The following OR5M9 variants were observed in gnomAD, a reference collection of about 807,000 sequenced individuals.
OR5M9 encodes the protein olfactory receptor 5M9.
For missense variants in OR5M9, 464 were observed against 383.6 expected, an observed-to-expected ratio of 1.21 and a Z score of -1.75; for synonymous variants, 174 against 145.0, an observed-to-expected ratio of 1.20 and a Z score of -1.44.
At position 56,462,549 on chromosome 11, in the gene OR5M9, G is replaced by T; in HGVS notation, c.853C>A (p.Pro285Thr). The change falls in exon 1 of 1, where the codon CCC becomes ACC. Residue 285 changes from proline (P) to threonine (T), a missense_variant. Coordinates refer to ENST00000279791, the MANE Select transcript of OR5M9 (RefSeq NM_001004743.1). ...TTATTTCTCAGACTGTAGATCATGG[G>T]ATTCAACATAGGAATTACTGTGGTG... ...FYTTVIPMLN[P>T]MIYSLRNKDV... The T allele has an allele frequency of 6.2e-7, 1 of 1,613,560 alleles. No homozygotes were observed. Among genetic ancestry groups the T allele is most frequent in the Non-Finnish European group, 8.5e-7 (1 of 1,179,580 alleles).
At position 56,463,369 on chromosome 11, in the gene OR5M9, A is replaced by G; in HGVS notation, c.33T>C (p.Thr11=). 1 of 1,610,530 alleles carries G rather than the reference A, an allele frequency of 6.2e-7. No individual in the cohort carries two copies. Among genetic ancestry groups the G allele is most frequent in the Non-Finnish European group, 8.5e-7 (1 of 1,178,804 alleles). ...CCTGACGACAGGTCAGCCCCAGGAG[A>G]GTAAATTCTGTCACATCCGTGAAAT... MPNFTDVTEF[T]LLGLTCRQEL... Residue 11 remains threonine (T), a synonymous_variant, in exon 1 of 1, where the codon ACT becomes ACC. Transcript: ENST00000279791.
In OR5M9 at chr11:56,462,944, A is replaced by T; in HGVS notation, c.458T>A (p.Val153Asp). Residue 153 changes from valine (V) to aspartate (D), a missense_variant, in exon 1 of 1, where the codon GTC (valine) becomes GAC (aspartate). Val to Asp is a radical substitution (Grantham distance 152). Transcript: ENST00000279791. Reference sequence around the variant, plus strand: ...AGTCCATAGTGTGCATATTAGGCTGACAGAGAATCCATAGACATAAGGCAC... The same window carrying T: ...AGTCCATAGTGTGCATATTAGGCTGTCAGAGAATCCATAGACATAAGGCAC... The part of the protein sequence containing the change: ...ISVPYVYGFS[V>D]SLICTLWTYG... The T allele has an allele frequency of 6.2e-7, 1 of 1,614,040 alleles. No homozygotes were observed. The highest frequency in any genetic ancestry group is 8.5e-7 in the Non-Finnish European group (1 of 1,179,944).
chr11:56,463,273 C>G lies in OR5M9; in HGVS notation c.129G>C (p.Met43Ile), dbSNP rs746624867. 10 of 1,613,790 alleles carry G rather than the reference C, an allele frequency of 6.2e-6. No individual in the cohort carries two copies. Among genetic ancestry groups the G allele is most frequent in the Non-Finnish European group, 8.5e-6 (10 of 1,179,826 alleles). The change falls in exon 1 of 1, where the codon ATG becomes ATC. Residue 43 changes from methionine (M) to isoleucine (I), a missense_variant. Coordinates refer to ENST00000279791, the MANE Select transcript of OR5M9 (RefSeq NM_001004743.1). The stretch of plus-strand genomic sequence containing the variant: ...GAGGACTGATGCTAATCAAAATGAT[C>G]ATACCAATATTTCCCAACAGAGTGA... The part of the protein sequence containing the change: ...YMITLLGNIG[M>I]IILISISPQL...
In OR5M9 at chr11:56,462,780, A is replaced by C; in HGVS notation, c.622T>G (p.Ser208Ala). 1 of 1,613,416 alleles carries C rather than the reference A, an allele frequency of 6.2e-7. No homozygotes were observed. Among genetic ancestry groups the C allele is most frequent in the Non-Finnish European group, 8.5e-7 (1 of 1,179,822 alleles). Reference sequence around the variant, plus strand: ...TAGGAGATGAGGACCACCGAGAGGGAATATGTGAAGTTAATTCCAGCAATA... The same window carrying C: ...TAGGAGATGAGGACCACCGAGAGGGCATATGTGAAGTTAATTCCAGCAATA... The part of the protein sequence containing the change: ...IVIAGINFTY[S>A]LSVVLISYTL... Residue 208 changes from serine to alanine, a missense_variant, in exon 1 of 1, where the codon TCC (serine) becomes GCC (alanine). Ser to Ala is a moderately conservative substitution (Grantham distance 99). Transcript: ENST00000279791.
Position 56,463,354 on chromosome 11 carries a change from G to A in OR5M9, c.48C>T (p.Thr16=), listed in dbSNP as rs771250659. The change falls in exon 1 of 1, where the codon ACC becomes ACT. Residue 16 remains threonine (T), a synonymous_variant. Coordinates refer to ENST00000279791, the MANE Select transcript of OR5M9 (RefSeq NM_001004743.1). ...DVTEFTLLGL[T]CRQELQVLFF... Reference sequence around the variant, plus strand: ...AGAGAACCTGTAGCTCCTGACGACAGGTCAGCCCCAGGAGAGTAAATTCTG... The same window carrying A: ...AGAGAACCTGTAGCTCCTGACGACAAGTCAGCCCCAGGAGAGTAAATTCTG... 5 of 1,613,292 alleles carry A rather than the reference G, an allele frequency of 3.1e-6. No individual in the cohort carries two copies. In the Admixed American group the frequency reaches 8.4e-5, roughly 27 times the overall value.
rs142565819 is a variant in OR5M9, at chr11:56,463,126, A to G, written c.276T>C (p.Tyr92=). 2.0e-4 allele frequency: 322 copies of G among 1,614,064 alleles called. 1 individual carries two copies. The highest frequency in any genetic ancestry group is 2.5e-4 in the Non-Finnish European group (292 of 1,179,978). The change falls in exon 1 of 1, where the codon TAT becomes TAC. Residue 92 remains tyrosine (Y), a synonymous_variant. Transcript: ENST00000279791. ...AGTAGCACTGCACCAAGCATCCCACATAGGAAATGGTTTTTGTCTCTGATA... is the reference window on the plus strand; with the variant it reads ...AGTAGCACTGCACCAAGCATCCCACGTAGGAAATGGTTTTTGTCTCTGATA... ...NLLSETKTIS[Y]VGCLVQCYFF... is the part of the protein sequence containing the mutation.
chr11:56,462,906 A>T lies in OR5M9; in HGVS notation c.496T>A (p.Phe166Ile), dbSNP rs1184211054. ...ICTLWTYGLY[F>I]CGNFEINHFY... is the part of the protein sequence containing the mutation. Reference sequence around the variant, plus strand: ...TGATTGATTTCAAAGTTTCCACAGAAGTATAAGCCATAAGTCCATAGTGTG... The same window carrying T: ...TGATTGATTTCAAAGTTTCCACAGATGTATAAGCCATAAGTCCATAGTGTG... The change falls in exon 1 of 1, where the codon TTC becomes ATC. Residue 166 changes from phenylalanine (F) to isoleucine (I), a missense_variant. Phe to Ile is a conservative substitution (Grantham distance 21, BLOSUM62 0). Coordinates refer to ENST00000279791, the MANE Select transcript of OR5M9 (RefSeq NM_001004743.1). 1 of 1,613,988 alleles carries T rather than the reference A, an allele frequency of 6.2e-7. No individual in the cohort carries two copies. The highest frequency in any genetic ancestry group is 8.5e-7 in the Non-Finnish European group (1 of 1,179,976).
Position 56,463,051 on chromosome 11 carries a change from G to A in OR5M9, c.351C>T (p.Ala117=), listed in dbSNP as rs1321608789. Residue 117 remains alanine, a synonymous_variant, in exon 1 of 1, where the codon GCC becomes GCT. Transcript: ENST00000279791. ...TGCAGCCGGCCATGTACCTGTCAAA[G>A]GCCATCACAGCCAGGATATAGACCT... ...HVEVYILAVM[A]FDRYMAGCNP... The A allele has an allele frequency of 6.2e-7, 1 of 1,614,036 alleles. No individual in the cohort carries two copies. The highest frequency in any genetic ancestry group is 8.5e-7 in the Non-Finnish European group (1 of 1,179,956).
Position 56,463,175 on chromosome 11 carries a change from G to C in OR5M9, c.227C>G (p.Thr76Ser), listed in dbSNP as rs1450867397. 2 of 1,613,766 alleles carry C rather than the reference G, an allele frequency of 1.2e-6. No individual in the cohort carries two copies. The highest frequency in any genetic ancestry group is 1.3e-5 in the African/African-American group (1 of 74,890). ...TAATAAGTTTTCCAGCATTTTGGGG[G>C]TAACGTTGGAGGAGAAGCACACGTC... The part of the protein sequence containing the change: ...FADVCFSSNV[T>S]PKMLENLLSE... The change falls in exon 1 of 1, where the codon ACC becomes AGC. Residue 76 changes from threonine (T) to serine (S), a missense_variant. Thr to Ser is a moderately conservative substitution (Grantham distance 58, BLOSUM62 1). Transcript: ENST00000279791.
rs1945237 is a variant in OR5M9, at chr11:56,462,593, T to A, written c.809A>T (p.Lys270Ile). The A allele has an allele frequency of 6.2e-7, 1 of 1,613,846 alleles. No homozygotes were observed. Among genetic ancestry groups the A allele is most frequent in the Non-Finnish European group, 8.5e-7 (1 of 1,179,816 alleles). ...RPTEESVEQG[K>I]MVAVFYTTVI... ...TGTGGTGTAAAACACAGCCACCATT[T>A]TGCCCTGCTCTACGGATTCCTCAGT... The change falls in exon 1 of 1, where the codon AAA (lysine) becomes ATA (isoleucine). Residue 270 changes from lysine to isoleucine, a missense_variant. Lys to Ile is a moderately radical substitution (Grantham distance 102). Transcript: ENST00000279791.
rs148396137 is a variant in OR5M9 at position 56,463,125 on chromosome 11, C to A, written c.277G>T (p.Val93Leu). The A allele has an allele frequency of 2.9e-5, 47 of 1,614,058 alleles. No individual in the cohort carries two copies. In the African/African-American group the frequency reaches 5.6e-4, roughly 19 times the overall value. Residue 93 changes from valine (V) to leucine (L), a missense_variant, in exon 1 of 1, where the codon GTG (valine) becomes TTG (leucine). Val to Leu is a conservative substitution (Grantham distance 32). Transcript: ENST00000279791. ...LLSETKTISY[V>L]GCLVQCYFFI... Reference sequence around the variant, plus strand: ...AAGTAGCACTGCACCAAGCATCCCACATAGGAAATGGTTTTTGTCTCTGAT... The same window carrying A: ...AAGTAGCACTGCACCAAGCATCCCAAATAGGAAATGGTTTTTGTCTCTGAT...
At position 56,462,637 on chromosome 11, in the gene OR5M9, G is replaced by C; in HGVS notation, c.765C>G (p.Phe255Leu). Residue 255 changes from phenylalanine to leucine, a missense_variant, in exon 1 of 1, where the codon TTC (phenylalanine) becomes TTG (leucine). Physicochemically the swap from Phe to Leu is conservative, Grantham distance 22. Coordinates refer to ENST00000279791, the MANE Select transcript of OR5M9 (RefSeq NM_001004743.1). ...CCTCAGTGGGTCTCCTGAGATACAT[G>C]AAGATGGGGGTCCCATAAAACATAG... is the stretch of plus-strand genomic sequence containing the variant. ...AVSMFYGTPIFMYLRRPTEES... is the reference protein window; with the variant it reads ...AVSMFYGTPILMYLRRPTEES... 1 of 1,613,938 alleles carries C rather than the reference G, an allele frequency of 6.2e-7. No individual in the cohort carries two copies. Among genetic ancestry groups the C allele is most frequent in the Non-Finnish European group, 8.5e-7 (1 of 1,179,950 alleles).
In OR5M9 at chr11:56,463,270, G is replaced by C. The variant is rs1196720145; in HGVS notation, c.132C>G (p.Ile44Met). The change falls in exon 1 of 1, where the codon ATC becomes ATG. Residue 44 changes from isoleucine to methionine, a missense_variant. Coordinates refer to ENST00000279791, the MANE Select transcript of OR5M9 (RefSeq NM_001004743.1). Reference protein sequence around the residue: ...MITLLGNIGMIILISISPQLQ... With the variant: ...MITLLGNIGMMILISISPQLQ... ...GCTGAGGACTGATGCTAATCAAAAT[G>C]ATCATACCAATATTTCCCAACAGAG... 2 of 1,613,786 alleles carry C rather than the reference G, an allele frequency of 1.2e-6. No individual in the cohort carries two copies. Among genetic ancestry groups the C allele is most frequent in the South Asian group, 1.1e-5 (1 of 91,074 alleles).
At position 56,463,323 on chromosome 11, in the gene OR5M9, C is replaced by T. The variant is rs146895715; in HGVS notation, c.79G>A (p.Val27Met). 7 of 1,613,164 alleles carry T rather than the reference C, an allele frequency of 4.3e-6. No individual in the cohort carries two copies. The African/African-American group carries it at 8.0e-5, about 18-fold the overall frequency. Residue 27 changes from valine (V) to methionine (M), a missense_variant, in exon 1 of 1, where the codon GTG (valine) becomes ATG (methionine). Coordinates refer to ENST00000279791, the MANE Select transcript of OR5M9 (RefSeq NM_001004743.1). Reference sequence around the variant, plus strand: ...ATCATGTAAACCGCTAGGAACACCACAAAAAAGAGAACCTGTAGCTCCTGA... The same window carrying T: ...ATCATGTAAACCGCTAGGAACACCATAAAAAAGAGAACCTGTAGCTCCTGA... Reference protein sequence around the residue: ...CRQELQVLFFVVFLAVYMITL... With the variant: ...CRQELQVLFFMVFLAVYMITL...
In OR5M9 at chr11:56,462,502, G is replaced by A; in HGVS notation, c.900C>T (p.Asn300=). 1 of 1,612,988 alleles carries A rather than the reference G, an allele frequency of 6.2e-7. No homozygotes were observed. Among genetic ancestry groups the A allele is most frequent in the Non-Finnish European group, 8.5e-7 (1 of 1,179,092 alleles). Residue 300 remains asparagine, a synonymous_variant, in exon 1 of 1, where the codon AAC becomes AAT. Coordinates refer to ENST00000279791, the MANE Select transcript of OR5M9 (RefSeq NM_001004743.1). ...LRNKDVKEAV[N]KAITKTYVRQ ...TCACATATGTCTTGGTGATTGCTTT[G>A]TTGACTGCTTCTTTTACATCCTTAT...
chr11:56,463,144 C>T lies in OR5M9; in HGVS notation c.258G>A (p.Glu86=). The change falls in exon 1 of 1, where the codon GAG becomes GAA. Residue 86 remains glutamate (E), a synonymous_variant. Coordinates refer to ENST00000279791, the MANE Select transcript of OR5M9 (RefSeq NM_001004743.1). The part of the protein sequence containing the change: ...TPKMLENLLS[E]TKTISYVGCL... ...ATCCCACATAGGAAATGGTTTTTGT[C>T]TCTGATAATAAGTTTTCCAGCATTT... 1 of 1,613,928 alleles carries T rather than the reference C, an allele frequency of 6.2e-7. No homozygotes were observed. Among genetic ancestry groups the T allele is most frequent in the Non-Finnish European group, 8.5e-7 (1 of 1,179,946 alleles).
rs367845258 is a variant in OR5M9, at chr11:56,463,179, C to T, written c.223G>A (p.Val75Ile). ...AAGTTTTCCAGCATTTTGGGGGTAA[C>T]GTTGGAGGAGAAGCACACGTCCGCA... ...SFADVCFSSN[V>I]TPKMLENLLS... Residue 75 changes from valine (V) to isoleucine (I), a missense_variant, in exon 1 of 1, where the codon GTT (valine) becomes ATT (isoleucine). Val to Ile is a conservative substitution (Grantham distance 29). Transcript: ENST00000279791. The T allele has an allele frequency of 3.1e-6, 5 of 1,613,842 alleles. No individual in the cohort carries two copies. Among genetic ancestry groups the T allele is most frequent in the Admixed American group, 1.7e-5 (1 of 59,990 alleles).
rs771680645 is a variant in OR5M9 at position 56,463,197 on chromosome 11, C to T, written c.205G>A (p.Val69Met). 4.0e-5 allele frequency: 64 copies of T among 1,613,736 alleles called. No homozygotes were observed. Among genetic ancestry groups the T allele is most frequent in the Non-Finnish European group, 4.8e-5 (57 of 1,179,890 alleles). Residue 69 changes from valine (V) to methionine (M), a missense_variant, in exon 1 of 1, where the codon GTG (valine) becomes ATG (methionine). Val to Met is a conservative substitution (Grantham distance 21). Coordinates refer to ENST00000279791, the MANE Select transcript of OR5M9 (RefSeq NM_001004743.1). Reference sequence around the variant, plus strand: ...GGGGTAACGTTGGAGGAGAAGCACACGTCCGCAAAAGACAGATGACTCAGG... The same window carrying T: ...GGGGTAACGTTGGAGGAGAAGCACATGTCCGCAAAAGACAGATGACTCAGG... Reference protein sequence around the residue: ...FFLSHLSFADVCFSSNVTPKM... With the variant: ...FFLSHLSFADMCFSSNVTPKM...
rs1306375944 is a variant in OR5M9 at position 56,463,186 on chromosome 11, G to T, written c.216C>A (p.Ser72=). 2 of 1,613,926 alleles carry T rather than the reference G, an allele frequency of 1.2e-6. No individual in the cohort carries two copies. Among genetic ancestry groups the T allele is most frequent in the Non-Finnish European group, 8.5e-7 (1 of 1,179,890 alleles). The part of the protein sequence containing the change: ...SHLSFADVCF[S]SNVTPKMLEN... ...CCAGCATTTTGGGGGTAACGTTGGAGGAGAAGCACACGTCCGCAAAAGACA... is the reference window on the plus strand; with the variant it reads ...CCAGCATTTTGGGGGTAACGTTGGATGAGAAGCACACGTCCGCAAAAGACA... The change falls in exon 1 of 1, where the codon TCC becomes TCA. Residue 72 remains serine (S), a synonymous_variant. Transcript: ENST00000279791.
Sources: gnomAD v4.1 joint callset for allele counts on GRCh38, gnomAD v4.1.1 for gene constraint, MANE v1.5 for transcripts, NCBI Gene and HGNC (gene_info 2026-07-23, HGNC 2026-07-21) for gene names.